PYGM: variants seen among roughly 807,000 people sequenced by gnomAD.
PYGM encodes the protein glycogen phosphorylase, muscle form.
In PYGM, 81 loss-of-function variants were observed where a neutral mutation model predicts 99.3. The ratio of observed to expected loss-of-function variants is 0.82; its 90% CI spans 0.68 to 0.98. The LOEUF (loss-of-function observed/expected upper bound fraction) is 0.98, where lower values mean the gene tolerates loss of function less well. Ranked by LOEUF, PYGM falls within the 50% of genes least tolerant of loss-of-function variation. PYGM has a pLI of 0.00. For synonymous variants in PYGM, 436 were observed against 451.5 expected, an observed-to-expected ratio of 0.97 and a Z score of 0.44; for missense variants, 1,030 against 1,158.1, an observed-to-expected ratio of 0.89 and a Z score of 1.61.
In PYGM at chr11:64,759,889, G is replaced by A; in HGVS notation, c.10C>T (p.Pro4Ser). 2 of 1,614,078 alleles carry A rather than the reference G, an allele frequency of 1.2e-6. No individual in the cohort carries two copies. The highest frequency in any genetic ancestry group is 1.3e-5 in the African/African-American group (1 of 75,060). Residue 4 changes from proline (P) to serine (S), a missense_variant, in exon 1 of 20, where the codon CCC becomes TCC. By Grantham distance (74) the Pro-to-Ser change is moderately conservative. Transcript: ENST00000164139. ...TTTCTTTTCTCTTGGTCTGACAGGG[G>A]CCGGGACATGGCTGCAGGAGGGCGG... is the stretch of plus-strand genomic sequence containing the variant. MSR[P>S]LSDQEKRKQI...
At position 64,747,320 on chromosome 11, in the gene PYGM, A is replaced by G. The variant is rs370144967; in HGVS notation, c.2216T>C (p.Leu739Pro). The G allele has an allele frequency of 1.9e-6, 3 of 1,614,214 alleles. No homozygotes were observed. The highest frequency in any genetic ancestry group is 2.5e-6 in the Non-Finnish European group (3 of 1,180,024). The change falls in exon 18 of 20, where the codon CTT becomes CCT. Residue 739 changes from leucine (L) to proline (P), a missense_variant. Leu to Pro is a moderately conservative substitution (Grantham distance 98). Coordinates refer to ENST00000164139, the MANE Select transcript of PYGM (RefSeq NM_005609.4). ...AQEYYDRIPELRQVIEQLSSG... is the reference protein window; with the variant it reads ...AQEYYDRIPEPRQVIEQLSSG... ...GCTCAGCTGCTCAATGACCTGCCGA[A>G]GCTCAGGAATGCGATCGTAGTACTC...
upstream of PYGM, among the ~76,000 whole-genome samples, chr11:64,760,454 G>A (rs886048467): frequency 1.3e-5 from 2 of 152,222 alleles, no homozygotes; most frequent in African/African-American, 4.8e-5. Context: ...GGTGGTGTGA[G>A]GGAGGTTGTG....
At chr11:64,748,319 A>C (rs1295262512) in intron 17 of PYGM, 1 of 152,158 alleles carries the variant, frequency 6.6e-6, no homozygotes, top group Non-Finnish European at 1.5e-5. Context: ...CGTTCTGAGC[A>C]TGCGGGACCA....
At chr11:64,756,128 G>C (rs865920600) in intron 5 of PYGM, among the ~76,000 whole-genome samples, 2 of 152,346 alleles carry the variant, frequency 1.3e-5, no homozygotes, top group South Asian at 4.1e-4. Context: ...CTTTTAAGGG[G>C]CATCGCCCTC....
chr11:64,754,172 A>T lies in PYGM; in HGVS notation c.1092+81T>A. On this transcript the variant is annotated intron_variant, in intron 9 of 19. Coordinates refer to ENST00000164139, the MANE Select transcript of PYGM (RefSeq NM_005609.4). This position sits in a 1 kb window ranked among gnomAD's most constrained non-coding sequence, Gnocchi z 5.5. ...AGGCTCTGATCCCTTCACTCCATTC[A>T]TATCCTCCCACGCTCCCAAACTGGG... is the stretch of plus-strand genomic sequence containing the variant. 6.3e-7 allele frequency: 1 copy of T among 1,576,882 alleles called. No individual in the cohort carries two copies. Among genetic ancestry groups the T allele is most frequent in the South Asian group, 1.1e-5 (1 of 90,336 alleles).
intron 12 of PYGM, among the ~76,000 whole-genome samples, chr11:64,752,855 C>T (rs1365124814): frequency 2.6e-5 from 4 of 152,238 alleles, no homozygotes; most frequent in Non-Finnish European, 4.4e-5. Context: ...GCTGTGTTCA[C>T]CTCCACAGCC....
chr11:64,756,292 G>A (rs1039199033), intron 5 of PYGM, among the ~76,000 whole-genome samples: 4 of 152,170 alleles, frequency 2.6e-5, no homozygotes, highest in Admixed American at 6.5e-5. Flanking sequence ...CAGTTGCCAC[G>A]TGCACCTGGC....
intron 10 of PYGM, 91 bp downstream of exon 10, chr11:64,753,788 T>G (rs1592411354): frequency 6.6e-7 from 1 of 1,518,132 alleles, no homozygotes; most frequent in Non-Finnish European, 8.8e-7. Context: ...TGCCCCAGAG[T>G]CTCAGGGCCC....
chr11:64,760,072 C>T (rs1449065137), upstream of PYGM: 1 of 1,059,522 alleles, frequency 9.4e-7, no homozygotes, highest in East Asian at 2.6e-5. Flanking sequence ...GCTCAGGGAG[C>T]TATTTTGAGG....
chr11:64,747,544 C>T (rs2058323695), intron 17 of PYGM, 186 bp from the exon 18 acceptor site: 1 of 690,186 alleles, frequency 1.4e-6, no homozygotes, highest in Admixed American at 2.5e-5. Flanking sequence ...TTTCATCCCT[C>T]CTTTGTGAAT....
In PYGM at chr11:64,747,380, C is replaced by G. The variant is rs1313530212; in HGVS notation, c.2178-22G>C. 3 of 1,613,908 alleles carry G rather than the reference C, an allele frequency of 1.9e-6. No homozygotes were observed. In the African/African-American group the frequency reaches 4.0e-5, roughly 22 times the overall value. On this transcript the variant is annotated intron_variant, in intron 17 of 19. Coordinates refer to ENST00000164139, the MANE Select transcript of PYGM (RefSeq NM_005609.4). The stretch of plus-strand genomic sequence containing the variant: ...GTACCTGCCAGGACAGAGCTGTGGT[C>G]AGCTCCCCGGAAAGGGGTTCCTGGC...
Position 64,746,531 on chromosome 11 carries a change from G to C in PYGM, c.*128C>G. On this transcript the variant is annotated 3_prime_UTR_variant, in exon 20 of 20. Transcript: ENST00000164139. ...CTGGACACTGGGACATTGAGAGTGG[G>C]GAAAATGAGGGTTCCAGGAGGGGCT... 1 of 1,322,218 alleles carries C rather than the reference G, an allele frequency of 7.6e-7. No homozygotes were observed. The highest frequency in any genetic ancestry group is 1.2e-5 in the South Asian group (1 of 82,724). 81.9% of individuals were successfully genotyped at this position (1,322,218 alleles called of 1,614,324 possible). A position where few individuals can be genotyped will look rare whatever the true frequency, so the allele number is the denominator to read the frequency against.
Position 64,746,811 on chromosome 11 carries a change from G to T in PYGM, c.2380-3C>A, listed in dbSNP as rs191383094. ...ATCCGCGTCCACTCTCTTGGGTTCT[G>T]CAGGTCAAAGGGAAGCTCTGGTTCA... On this transcript the variant is annotated splice_polypyrimidine_tract_variant and splice_region_variant and intron_variant, in intron 19 of 19. Coordinates refer to ENST00000164139, the MANE Select transcript of PYGM (RefSeq NM_005609.4). 1.9e-6 allele frequency: 3 copies of T among 1,614,174 alleles called. No homozygotes were observed. Among genetic ancestry groups the T allele is most frequent in the South Asian group, 1.1e-5 (1 of 91,084 alleles).
intron 5 of PYGM, among the ~76,000 whole-genome samples, chr11:64,756,204 C>T (rs908768271): frequency 1.3e-5 from 2 of 152,154 alleles, no homozygotes; most frequent in African/African-American, 4.8e-5. Context: ...GGGAAGGGAC[C>T]CATCCCCGAG....
Position 64,752,455 on chromosome 11 carries a change from A to G in PYGM, c.1568T>C (p.Leu523Pro). 1 of 1,614,220 alleles carries G rather than the reference A, an allele frequency of 6.2e-7. No homozygotes were observed. The highest frequency in any genetic ancestry group is 2.2e-5 in the East Asian group (1 of 44,886). Reference sequence around the variant, plus strand: ...GAAAGCTTCATCATCCACAAAGGAGAGCAGTTTGCGCAGCTGGTCCAGGTC... The same window carrying G: ...GAAAGCTTCATCATCCACAAAGGAGGGCAGTTTGCGCAGCTGGTCCAGGTC... ...ISDLDQLRKL[L>P]SFVDDEAFIR... The change falls in exon 13 of 20, where the codon CTC becomes CCC. Residue 523 changes from leucine to proline, a missense_variant. Transcript: ENST00000164139.
At chr11:64,753,354 G>A (rs2058369735) in intron 11 of PYGM, among the ~76,000 whole-genome samples, 165 bp downstream of exon 11, 1 of 152,192 alleles carries the variant, frequency 6.6e-6, no homozygotes, top group Non-Finnish European at 1.5e-5. Flanking sequence ...TCAGGACAGG[G>A]CGGCACTGGA....
chr11:64,758,775 C>G lies in PYGM; in HGVS notation c.244-71G>C, dbSNP rs186692931. The stretch of plus-strand genomic sequence containing the variant: ...ACCAACACTCAGCCAGGCCCAGCCA[C>G]GCCTGGACCTCTGGCCCGCCTGCCC... On this transcript the variant is annotated intron_variant, in intron 1 of 19. Coordinates refer to ENST00000164139, the MANE Select transcript of PYGM (RefSeq NM_005609.4). 69 of 1,358,830 alleles carry G rather than the reference C, an allele frequency of 5.1e-5. 1 individual carries two copies. The South Asian group carries it at 5.9e-4, about 12-fold the overall frequency. The allele number at this position is 1,358,830 out of a possible 1,614,324, so 84.2% of individuals were successfully genotyped here.
In PYGM at chr11:64,747,260, A is replaced by G; in HGVS notation, c.2276T>C (p.Phe759Ser). ...GFFSPKQPDL[F>S]KDIVNMLMHH... Reference sequence around the variant, plus strand: ...CATGAGCATATTGACAATGTCCTTGAACAGGTCGGGCTGTTTGGGGGAGAA... The same window carrying G: ...CATGAGCATATTGACAATGTCCTTGGACAGGTCGGGCTGTTTGGGGGAGAA... Residue 759 changes from phenylalanine to serine, a missense_variant, in exon 18 of 20, where the codon TTC (phenylalanine) becomes TCC (serine). Transcript: ENST00000164139. 6.2e-7 allele frequency: 1 copy of G among 1,614,172 alleles called. No homozygotes were observed. The highest frequency in any genetic ancestry group is 1.1e-5 in the South Asian group (1 of 91,086).
intron 4 of PYGM, 92 bp downstream of exon 4, chr11:64,758,153 CG>C: frequency 1.4e-6 from 2 of 1,455,022 alleles, no homozygotes; most frequent in Non-Finnish European, 1.9e-6. Context: ...ACAGAGCTTG[CG>C]GGGCTGTTTC....
Sources: gnomAD v4.1 joint callset for allele counts (sites outside exome capture counted in the v4.1 genomes callset) on GRCh38, gnomAD v4.1.1 for gene constraint, Gnocchi (gnomAD v3.1) non-coding constraint, MANE v1.5 for transcripts, NCBI Gene and HGNC (gene_info 2026-07-23, HGNC 2026-07-21) for gene names.